Variants in CNTNAP2 observed in about 807,000 individuals in gnomAD.
CNTNAP2 encodes contactin-associated protein-like 2.
Under a neutral mutation model 155.2 loss-of-function variants are expected in CNTNAP2, and 98 were observed. That is an observed-to-expected ratio of 0.63 (90% CI 0.54 to 0.75). The LOEUF (loss-of-function observed/expected upper bound fraction) is 0.75. CNTNAP2 is among the 30% of genes least tolerant of loss of function. The pLI is 0.00. For missense variants in CNTNAP2, 1,727 were observed against 1,688.1 expected (o/e 1.02, Z -0.40); for synonymous variants, 651 against 631.2 (o/e 1.03, Z -0.47).
intron 1 of CNTNAP2, among the ~76,000 whole-genome samples, chr7:146,576,728 C>G (rs1798531068): frequency 6.6e-6 from 1 of 152,132 alleles, no homozygotes; most frequent in African/African-American, 2.4e-5. Flanking sequence ...TAGAATTTCT[C>G]TTTACCATTT....
chr7:148,290,186 A>G (rs895097945), intron 21 of CNTNAP2, among the ~76,000 whole-genome samples: 5 of 152,244 alleles, frequency 3.3e-5, no homozygotes, highest in African/African-American at 1.2e-4. Context: ...TTAAGGTGAT[A>G]AAATATTAAA....
At chr7:146,996,835 G>C (rs117963858) in intron 3 of CNTNAP2, among the ~76,000 whole-genome samples, 1 of 152,256 alleles carries the variant, frequency 6.6e-6, no homozygotes, top group East Asian at 1.9e-4. Flanking sequence ...ATTCCCACTT[G>C]TTGTGGGAGG....
chr7:147,439,313 T>G (rs1797601786), intron 10 of CNTNAP2, among the ~76,000 whole-genome samples: 1 of 151,938 alleles, frequency 6.6e-6, no homozygotes, highest in Admixed American at 6.6e-5. Context: ...TTCAGAAAAA[T>G]TCCAATTTTC....
At chr7:147,458,321 A>C (rs1237429151) in intron 10 of CNTNAP2, among the ~76,000 whole-genome samples, 1 of 152,110 alleles carries the variant, frequency 6.6e-6, no homozygotes, top group Non-Finnish European at 1.5e-5. Flanking sequence ...CCTTATGTCC[A>C]ATTTCATCCC....
intron 1 of CNTNAP2, among the ~76,000 whole-genome samples, chr7:146,741,058 A>C (rs1447167587): frequency 6.6e-6 from 1 of 151,940 alleles, no homozygotes; most frequent in Non-Finnish European, 1.5e-5. Context: ...GTCCAGGAAA[A>C]ATCCTGTGCT....
At chr7:146,680,268 T>G (rs947434684) in intron 1 of CNTNAP2, among the ~76,000 whole-genome samples, 8 of 152,142 alleles carry the variant, frequency 5.3e-5, no homozygotes, top group Non-Finnish European at 8.8e-5. Flanking sequence ...ACATGTTATG[T>G]GTGGAGGGAA....
chr7:148,262,784 T>C (rs929198038), intron 20 of CNTNAP2, among the ~76,000 whole-genome samples: 1 of 152,106 alleles, frequency 6.6e-6, no homozygotes, highest in Non-Finnish European at 1.5e-5. Flanking sequence ...TTGGGAGGCA[T>C]GATTCCGCCC....
At chr7:147,974,322 A>T (rs1207439696) in intron 14 of CNTNAP2, among the ~76,000 whole-genome samples, 1 of 152,074 alleles carries the variant, frequency 6.6e-6, no homozygotes, top group Non-Finnish European at 1.5e-5. Context: ...ATAAACCAAC[A>T]TTACTGGCTG....
intron 3 of CNTNAP2, among the ~76,000 whole-genome samples, chr7:146,878,816 C>G (rs940364353): frequency 6.6e-6 from 1 of 152,130 alleles, no homozygotes; most frequent in African/African-American, 2.4e-5. Flanking sequence ...TTTCTTCCAC[C>G]CTCTCCACTC....
At chr7:147,020,363 A>G (rs1038474156) in intron 3 of CNTNAP2, among the ~76,000 whole-genome samples, 5 of 152,172 alleles carry the variant, frequency 3.3e-5, no homozygotes, top group Non-Finnish European at 5.9e-5. Context: ...AACACAATAG[A>G]AAGGCTACAG....
chr7:147,439,719 C>A (rs567968323), intron 10 of CNTNAP2, among the ~76,000 whole-genome samples: 2 of 152,164 alleles, frequency 1.3e-5, no homozygotes, highest in East Asian at 3.9e-4. Context: ...GACTACCTCT[C>A]TCTTTAGCTC....
chr7:148,016,797 CTAAGTTATAG>C (rs1802184085), intron 15 of CNTNAP2, among the ~76,000 whole-genome samples: 1 of 152,074 alleles, frequency 6.6e-6, no homozygotes, highest in Non-Finnish European at 1.5e-5. Context: ...CTCTTAGGTC[CTAAGTTATAG>C]CATTTTAATG....
At chr7:146,711,189 T>C (rs920184658) in intron 1 of CNTNAP2, among the ~76,000 whole-genome samples, 1 of 149,924 alleles carries the variant, frequency 6.7e-6, no homozygotes, top group Non-Finnish European at 1.5e-5. Flanking sequence ...TGCACACATA[T>C]GTATGTATAC....
At chr7:146,217,628 T>C (rs548600712) in intron 1 of CNTNAP2, among the ~76,000 whole-genome samples, 66 of 152,288 alleles carry the variant, frequency 4.3e-4, no homozygotes, top group Non-Finnish European at 9.1e-4. Context: ...AAAACTCTAC[T>C]GTGTTATGAA....
Position 147,134,679 on chromosome 7 carries a change from G to C in CNTNAP2, c.1348+2170G>C, listed in dbSNP as rs191341903. On this transcript the variant is annotated intron_variant, in intron 8 of 23. Transcript: ENST00000361727. ...GAAACCATAGGACATAATTTCCTCT[G>C]TCTTTTAATGTATTTTATCAAATTC... Among the ~76,000 whole-genome samples the C allele has an allele frequency of 2.0e-4, 30 of 151,918 alleles. No individual in the cohort carries two copies. The East Asian group carries it at 5.6e-3, about 28-fold the overall frequency.
intron 8 of CNTNAP2, among the ~76,000 whole-genome samples, chr7:147,132,845 C>T (rs1334110415): frequency 3.9e-5 from 6 of 152,160 alleles, no homozygotes; most frequent in East Asian, 1.9e-4. Context: ...TTTAAAAACA[C>T]AATTGTATCT....
At chr7:146,983,680 A>C (rs1210116549) in intron 3 of CNTNAP2, among the ~76,000 whole-genome samples, 1 of 152,186 alleles carries the variant, frequency 6.6e-6, no homozygotes, top group African/African-American at 2.4e-5. Context: ...GCGAGTTGAA[A>C]AACAAGTGTG....
intron 19 of CNTNAP2, among the ~76,000 whole-genome samples, chr7:148,224,533 C>T (rs565190454): frequency 2.1e-4 from 32 of 152,138 alleles, no homozygotes; most frequent in African/African-American, 3.9e-4. Flanking sequence ...GCATTGCAAC[C>T]GCTATTTGGA....
intron 9 of CNTNAP2, among the ~76,000 whole-genome samples, chr7:147,363,652 G>T (rs1160552867): frequency 3.3e-5 from 5 of 152,242 alleles, no homozygotes; most frequent in African/African-American, 1.2e-4. Flanking sequence ...TATCAACTCA[G>T]TCTTGGAGTC....
Sources: gnomAD v4.1 joint callset for allele counts (sites outside exome capture counted in the v4.1 genomes callset) on GRCh38, gnomAD v4.1.1 for gene constraint, MANE v1.5 for transcripts, NCBI Gene and HGNC (gene_info 2026-07-23, HGNC 2026-07-21) for gene names.